The following CCDC191 variants were observed in gnomAD, a reference collection of about 807,000 sequenced individuals.
CCDC191 encodes coiled-coil domain containing 191.
Under a neutral mutation model 114.0 loss-of-function variants are expected in CCDC191, and 99 were observed. The observed-to-expected ratio is 0.87, with a 90% CI of 0.74 to 1.03. The LOEUF (loss-of-function observed/expected upper bound fraction) is 1.03, where lower values mean the gene tolerates loss of function less well. Among genes scored for constraint, CCDC191 ranks in the 50% least tolerant of loss-of-function variants. CCDC191 has a pLI of 0.00. For missense variants in CCDC191, 973 were observed against 1,087.0 expected, an observed-to-expected ratio of 0.90 and a Z score of 1.47; for synonymous variants, 351 against 376.0, an observed-to-expected ratio of 0.93 and a Z score of 0.77.
chr3:113,969,261 TACAG>T (rs1940551943), intron 16 of CCDC191, among the ~76,000 whole-genome samples: 1 of 152,248 alleles, frequency 6.6e-6, no homozygotes, highest in Non-Finnish European at 1.5e-5. Context: ...ATCCAAACTA[TACAG>T]ACAGTTTGCA....
rs376524383 is a variant in CCDC191 at position 114,005,553 on chromosome 3, G to A, written c.1823C>T (p.Ser608Leu). 6.2e-7 allele frequency: 1 copy of A among 1,613,516 alleles called. No individual in the cohort carries two copies. The highest frequency in any genetic ancestry group is 8.5e-7 in the Non-Finnish European group (1 of 1,179,898). ...TCTTGGTTCCTCTTCTCTGGGCTTT[G>A]ACAGCAGGTGGCTCTGTGCTTCTGT... ...AVTEAQSHLL[S>L]KPREEEPRTC... The change falls in exon 10 of 17, where the codon TCA becomes TTA. Residue 608 changes from serine to leucine, a missense_variant. Coordinates refer to ENST00000295878, the MANE Select transcript of CCDC191 (RefSeq NM_020817.2).
chr3:113,980,896 T>C, intron 13 of CCDC191, 103 bp from the exon 14 acceptor site: 1 of 1,066,594 alleles, frequency 9.4e-7, no homozygotes. Flanking sequence ...CATTGAATGG[T>C]GTGTTAATCA....
At chr3:114,001,944 A>G (rs2075863815) in intron 12 of CCDC191, among the ~76,000 whole-genome samples, 1 of 152,228 alleles carries the variant, frequency 6.6e-6, no homozygotes, top group African/African-American at 2.4e-5. Flanking sequence ...CCAATCTTTC[A>G]TTAAAAAATG....
At chr3:113,995,713 A>G (rs1218896041) in intron 13 of CCDC191, among the ~76,000 whole-genome samples, 1 of 152,194 alleles carries the variant, frequency 6.6e-6, no homozygotes, top group Non-Finnish European at 1.5e-5. Flanking sequence ...GTCTTCCACA[A>G]TGGTTGAACT....
chr3:114,032,301 G>T (rs891758170), intron 6 of CCDC191, among the ~76,000 whole-genome samples: 2 of 152,214 alleles, frequency 1.3e-5, no homozygotes, highest in African/African-American at 4.8e-5. Context: ...ACTTAAAAAG[G>T]AAAAGGACTT....
chr3:113,988,786 G>C lies in CCDC191; in HGVS notation c.2164-7993C>G, dbSNP rs115031489. Among the ~76,000 whole-genome samples the C allele has an allele frequency of 3.4e-3, 520 of 152,022 alleles. 2 individuals are homozygous for C. Among genetic ancestry groups the C allele is most frequent in the African/African-American group, 0.012 (501 of 41,468 alleles). On this transcript the variant is annotated intron_variant, in intron 13 of 16. Transcript: ENST00000295878. ...GTCTATAAGACATTCAATTTTATAA[G>C]GCATATATGTAAGTCTTTTTTTTTT...
intron 2 of CCDC191, among the ~76,000 whole-genome samples, chr3:114,050,515 G>A (rs1041382565): frequency 6.6e-6 from 1 of 152,196 alleles, no homozygotes; most frequent in Non-Finnish European, 1.5e-5. Flanking sequence ...GGTAGGTAAG[G>A]GGGATTTGTC....
chr3:113,998,987 C>T (rs1189729173), intron 13 of CCDC191, among the ~76,000 whole-genome samples: 2 of 152,094 alleles, frequency 1.3e-5, no homozygotes, highest in African/African-American at 4.8e-5. Context: ...GTGGATTGAT[C>T]GAACAATGGA....
At chr3:114,013,303 T>C (rs1032976534) in intron 8 of CCDC191, among the ~76,000 whole-genome samples, 2 of 151,654 alleles carry the variant, frequency 1.3e-5, no homozygotes, top group African/African-American at 4.8e-5. Flanking sequence ...GATATCTGTA[T>C]TTGTGGTTTG....
intron 4 of CCDC191, 95 bp downstream of exon 4, chr3:114,042,608 T>C: frequency 9.5e-7 from 1 of 1,056,200 alleles, no homozygotes; most frequent in Non-Finnish European, 1.3e-6. Context: ...CACAGAAAAC[T>C]TAAATATGTA....
intron 7 of CCDC191, among the ~76,000 whole-genome samples, chr3:114,030,918 A>G (rs2632241): frequency 0.24 from 36,362 of 152,096 alleles, 4,815 homozygotes; most frequent in Middle Eastern, 0.37. Context: ...TATGTAAAAT[A>G]TACATATTTA....
chr3:114,023,531 G>A (rs531133257), intron 7 of CCDC191, among the ~76,000 whole-genome samples: 1 of 152,298 alleles, frequency 6.6e-6, no homozygotes, highest in South Asian at 2.1e-4. Context: ...GAACAGAACA[G>A]AGCCCTCAGA....
chr3:113,985,613 C>T (rs2075325990), intron 13 of CCDC191, among the ~76,000 whole-genome samples: 1 of 152,212 alleles, frequency 6.6e-6, no homozygotes, highest in African/African-American at 2.4e-5. Flanking sequence ...CCAATCACCA[C>T]ACTTATATAA....
At chr3:113,977,704 C>T (rs986365839) in intron 16 of CCDC191, among the ~76,000 whole-genome samples, 4 of 152,110 alleles carry the variant, frequency 2.6e-5, no homozygotes, top group Admixed American at 2.0e-4. Flanking sequence ...GGAGCCTGTG[C>T]GACAGCAATG....
At chr3:114,014,336 G>A (rs2076122913) in intron 8 of CCDC191, among the ~76,000 whole-genome samples, 1 of 152,192 alleles carries the variant, frequency 6.6e-6, no homozygotes, top group Admixed American at 6.5e-5. Context: ...CTGCCTGTGT[G>A]ACAGAGAGAT....
chr3:114,054,687 G>A (rs969190541), intron 1 of CCDC191, among the ~76,000 whole-genome samples: 7 of 151,802 alleles, frequency 4.6e-5, no homozygotes, highest in Admixed American at 1.3e-4. Flanking sequence ...TGGGGAATGG[G>A]GCGAGGGTTA....
intron 4 of CCDC191, among the ~76,000 whole-genome samples, chr3:114,040,090 C>T (rs1361870812): frequency 2.6e-5 from 4 of 152,162 alleles, no homozygotes; most frequent in Non-Finnish European, 5.9e-5. Flanking sequence ...TTATATACTG[C>T]ATATGTACTG....
chr3:113,980,888 T>C (rs561888263), intron 13 of CCDC191, 95 bp from the exon 14 acceptor site: 137 of 1,123,982 alleles, frequency 1.2e-4, no homozygotes, highest in South Asian at 9.7e-4. Flanking sequence ...CATGTAACCA[T>C]TGAATGGTGT....
In CCDC191 at chr3:113,985,534, G is replaced by A. The variant is rs1248802379; in HGVS notation, c.2164-4741C>T. On this transcript the variant is annotated intron_variant, in intron 13 of 16. Transcript: ENST00000295878. Reference sequence around the variant, plus strand: ...TGGAGTGGGAACAGAAATTATCTGAGTGCTTAAAGCTGTGCATTCCAAACA... The same window carrying A: ...TGGAGTGGGAACAGAAATTATCTGAATGCTTAAAGCTGTGCATTCCAAACA... Among the ~76,000 whole-genome samples the A allele has an allele frequency of 2.0e-5, 3 of 152,176 alleles. No homozygotes were observed. The East Asian group carries it at 5.8e-4, about 29-fold the overall frequency.
Sources: gnomAD v4.1 joint callset for allele counts (sites outside exome capture counted in the v4.1 genomes callset) on GRCh38, gnomAD v4.1.1 for gene constraint, MANE v1.5 for transcripts, NCBI Gene and HGNC (gene_info 2026-07-23, HGNC 2026-07-21) for gene names.